The following NKD1 variants were observed in gnomAD, a reference collection of about 807,000 sequenced individuals.
NKD1 encodes the protein protein naked cuticle homolog 1.
In NKD1, 21 loss-of-function variants were observed where a neutral mutation model predicts 56.0. The ratio of observed to expected loss-of-function variants is 0.38; its 90% CI spans 0.27 to 0.54. The LOEUF (loss-of-function observed/expected upper bound fraction) is 0.54, where lower values mean the gene tolerates loss of function less well. NKD1 is among the 20% of genes least tolerant of loss of function. The pLI, the probability that NKD1 is intolerant of heterozygous loss-of-function variation, is 0.82. For missense variants in NKD1, 578 were observed against 642.7 expected, an observed-to-expected ratio of 0.90 and a Z score of 1.09; for synonymous variants, 263 against 265.7, an observed-to-expected ratio of 0.99 and a Z score of 0.10.
chr16:50,615,957 A>G (rs939716797), intron 4 of NKD1: 8 of 434,812 alleles, frequency 1.8e-5, no homozygotes, highest in African/African-American at 1.6e-4. Flanking sequence ...TGCACATATG[A>G]TATCTTTCTC....
chr16:50,596,285 C>A (rs1463501661), intron 3 of NKD1, among the ~76,000 whole-genome samples: 1 of 152,222 alleles, frequency 6.6e-6, no homozygotes, highest in Non-Finnish European at 1.5e-5. Context: ...GTAGGTCTTG[C>A]CACTGCTAGG....
At chr16:50,565,088 T>C (rs1960727884) in intron 3 of NKD1, among the ~76,000 whole-genome samples, 1 of 152,154 alleles carries the variant, frequency 6.6e-6, no homozygotes, top group Non-Finnish European at 1.5e-5. Flanking sequence ...AAAAAAGTGA[T>C]ATAGAGGCTG....
At position 50,633,221 on chromosome 16, in the gene NKD1, C is replaced by G; in HGVS notation, c.853C>G (p.Leu285Val). 1.2e-6 allele frequency: 2 copies of G among 1,610,670 alleles called. No homozygotes were observed. The highest frequency in any genetic ancestry group is 1.7e-6 in the Non-Finnish European group (2 of 1,177,912). ...GSPSVAQKSE[L>V]PPRTSNPTRS... ...CCCTTCCGTGGCCCAGAAGTCAGAACTGCCCCCCCGCACCTCCAATCCCAC... is the reference window on the plus strand; with the variant it reads ...CCCTTCCGTGGCCCAGAAGTCAGAAGTGCCCCCCCGCACCTCCAATCCCAC... The change falls in exon 10 of 10, where the codon CTG becomes GTG. Residue 285 changes from leucine (L) to valine (V), a missense_variant. Physicochemically the swap from Leu to Val is conservative, Grantham distance 32. Transcript: ENST00000268459. This position sits in a 1 kb window ranked among gnomAD's most constrained non-coding sequence, Gnocchi z 4.9.
rs1332439173 is a variant in NKD1, at chr16:50,632,990, T to C, written c.824-202T>C. Reference sequence around the variant, plus strand: ...CTCTCGGAGAGTATTTTTGAAGACCTACCAAAGAACCAGTTCTTCCCACTT... The same window carrying C: ...CTCTCGGAGAGTATTTTTGAAGACCCACCAAAGAACCAGTTCTTCCCACTT... On this transcript the variant is annotated intron_variant, in intron 9 of 9. Transcript: ENST00000268459. The surrounding 1 kb of genome is among the most constrained non-coding windows in gnomAD (Gnocchi z 4.1). Among the ~76,000 whole-genome samples the C allele has an allele frequency of 6.6e-6, 1 of 152,134 alleles. No individual in the cohort carries two copies. Among genetic ancestry groups the C allele is most frequent in the Non-Finnish European group, 1.5e-5 (1 of 68,032 alleles).
At chr16:50,583,366 C>A (rs1044205922) in intron 3 of NKD1, among the ~76,000 whole-genome samples, 1 of 152,134 alleles carries the variant, frequency 6.6e-6, no homozygotes, top group Non-Finnish European at 1.5e-5. Flanking sequence ...AAGAGAGAGG[C>A]CCAGTTCTCC....
chr16:50,580,208 T>A (rs1051165426), intron 3 of NKD1, among the ~76,000 whole-genome samples: 7 of 152,378 alleles, frequency 4.6e-5, no homozygotes, highest in African/African-American at 1.4e-4. Flanking sequence ...GAGAATGAAT[T>A]CTATTTCTGA....
chr16:50,596,885 C>T (rs770554895), intron 3 of NKD1, among the ~76,000 whole-genome samples: 18 of 152,036 alleles, frequency 1.2e-4, no homozygotes, highest in Non-Finnish European at 2.1e-4. Flanking sequence ...AAGAGTCTTC[C>T]GGGTAGAGGG....
intron 3 of NKD1, chr16:50,571,457 A>G: frequency 4.1e-6 from 4 of 984,962 alleles, no homozygotes; most frequent in Non-Finnish European, 4.8e-6. Context: ...GGTGCCCTCC[A>G]CTCACTGCCG....
chr16:50,581,964 G>C (rs1200777265), intron 3 of NKD1, among the ~76,000 whole-genome samples: 1 of 152,202 alleles, frequency 6.6e-6, no homozygotes, highest in African/African-American at 2.4e-5. Flanking sequence ...AGGATTGGTT[G>C]TTTGGGGCTG....
At chr16:50,578,602 CA>C (rs1961040687) in intron 3 of NKD1, among the ~76,000 whole-genome samples, 2 of 152,210 alleles carry the variant, frequency 1.3e-5, no homozygotes, top group South Asian at 4.1e-4. Context: ...GACTCACACC[CA>C]GGTTCTGATC....
At chr16:50,550,502 AGTGCT>A (rs1263844194) in intron 3 of NKD1, among the ~76,000 whole-genome samples, 3 of 152,050 alleles carry the variant, frequency 2.0e-5, no homozygotes, top group African/African-American at 7.2e-5. Flanking sequence ...GCTCGCTTGC[AGTGCT>A]GGTGTCGGGA....
intron 3 of NKD1, among the ~76,000 whole-genome samples, chr16:50,568,799 C>G (rs1455809529): frequency 1.3e-5 from 2 of 152,102 alleles, no homozygotes; most frequent in South Asian, 2.1e-4. Flanking sequence ...TTCTGCCCCC[C>G]CAGAGGATGG....
intron 3 of NKD1, among the ~76,000 whole-genome samples, chr16:50,572,719 G>A (rs1960910992): frequency 6.6e-6 from 1 of 152,162 alleles, no homozygotes; most frequent in African/African-American, 2.4e-5. Context: ...CCACCCCTAT[G>A]GTTCGTCTTC....
At chr16:50,582,774 C>T (rs1054231555) in intron 3 of NKD1, among the ~76,000 whole-genome samples, 1 of 152,162 alleles carries the variant, frequency 6.6e-6, no homozygotes, top group African/African-American at 2.4e-5. Context: ...TTTGGGAGGC[C>T]GAGGTGGGTG....
intron 8 of NKD1, 91 bp downstream of exon 8, chr16:50,631,001 T>C (rs1280741852): frequency 6.0e-6 from 6 of 993,212 alleles, no homozygotes; most frequent in Non-Finnish European, 8.8e-6. Flanking sequence ...TGCTCTGGTC[T>C]GTGTTCTCTT....
At chr16:50,615,909 C>A in intron 4 of NKD1, 2 of 385,380 alleles carry the variant, frequency 5.2e-6, no homozygotes, top group Non-Finnish European at 5.3e-6. Context: ...CTAAGGAGAG[C>A]CTGATACAGA....
chr16:50,625,428 A>C lies in NKD1; in HGVS notation c.367-57A>C, dbSNP rs1158069244. ...TGGCCTCTAGGCCCAGGCTTCCACT[A>C]CCCAGTCAGTGTTGCCACAGATAGG... On this transcript the variant is annotated intron_variant, in intron 5 of 9. Transcript: ENST00000268459. 18 of 1,233,452 alleles carry C rather than the reference A, an allele frequency of 1.5e-5. No homozygotes were observed. In the Admixed American group the frequency reaches 2.9e-4, roughly 20 times the overall value. 76.4% of individuals were successfully genotyped at this position (1,233,452 alleles called of 1,614,324 possible).
intron 3 of NKD1, among the ~76,000 whole-genome samples, chr16:50,592,881 C>T (rs1369289202): frequency 6.6e-6 from 1 of 152,122 alleles, no homozygotes. Context: ...TCCCTGGTCC[C>T]TTTACCCAGG....
chr16:50,561,566 G>A (rs955922328), intron 3 of NKD1, among the ~76,000 whole-genome samples: 1 of 152,186 alleles, frequency 6.6e-6, no homozygotes, highest in Non-Finnish European at 1.5e-5. Context: ...TAAGTGACAT[G>A]TCTGGGGCTT....
Sources: gnomAD v4.1 joint callset for allele counts (sites outside exome capture counted in the v4.1 genomes callset) on GRCh38, gnomAD v4.1.1 for gene constraint, Gnocchi (gnomAD v3.1) non-coding constraint, MANE v1.5 for transcripts, NCBI Gene and HGNC (gene_info 2026-07-23, HGNC 2026-07-21) for gene names.